Variants in PRORP observed in about 807,000 individuals in gnomAD.
PRORP encodes the protein protein only RNase P catalytic subunit.
In PRORP, 51 loss-of-function variants were observed where a neutral mutation model predicts 59.4. That is an observed-to-expected ratio of 0.86 (90% CI 0.69 to 1.08). The LOEUF (loss-of-function observed/expected upper bound fraction) is 1.08. PRORP is among the 50% of genes least tolerant of loss of function. The probability of loss-of-function intolerance (pLI) is 0.00; values close to 1 mark genes in which losing one functional copy is unlikely to be tolerated. For missense variants in PRORP, 646 were observed against 690.3 expected (o/e 0.94, Z 0.72); for synonymous variants, 231 against 245.6 (o/e 0.94, Z 0.55).
chr14:35,187,311 G>A (rs865929289), intron 5 of PRORP, among the ~76,000 whole-genome samples: 3 of 151,996 alleles, frequency 2.0e-5, no homozygotes, highest in South Asian at 2.1e-4. Context: ...ACATCCTCAC[G>A]AACACTTGTT....
chr14:35,244,193 C>T (rs2050428841), intron 5 of PRORP, among the ~76,000 whole-genome samples: 1 of 152,142 alleles, frequency 6.6e-6, no homozygotes, highest in Non-Finnish European at 1.5e-5. Flanking sequence ...TTTCATAAGT[C>T]CTCATTGTTA....
intron 5 of PRORP, among the ~76,000 whole-genome samples, chr14:35,253,374 A>G (rs1026168545): frequency 4.0e-5 from 6 of 149,054 alleles, no homozygotes; most frequent in Non-Finnish European, 7.4e-5. Flanking sequence ...AGAAAGAAAG[A>G]AAAGAAAGAA....
rs368688773 is a variant in PRORP at position 35,195,969 on chromosome 14, A to G, written c.1275+15192A>G. The stretch of plus-strand genomic sequence containing the variant: ...CCAAGGAGAATGTATAAATTGGGAA[A>G]AACCTCAGACTTAAAGTAATTATAT... On this transcript the variant is annotated intron_variant, in intron 5 of 7. Transcript: ENST00000534898. 6.6e-5 allele frequency among the ~76,000 whole-genome samples: 10 copies of G among 152,328 alleles called. 1 individual carries two copies. Among genetic ancestry groups the G allele is most frequent in the Admixed American group, 3.3e-4 (5 of 15,298 alleles).
intron 4 of PRORP, among the ~76,000 whole-genome samples, chr14:35,160,577 C>T (rs2048032312): frequency 6.6e-6 from 1 of 152,116 alleles, no homozygotes; most frequent in Non-Finnish European, 1.5e-5. Context: ...AATTCTGCTT[C>T]ATTTCTGTGG....
chr14:35,255,003 C>T lies in PRORP; in HGVS notation c.1276-11724C>T, dbSNP rs77840432. On this transcript the variant is annotated intron_variant, in intron 5 of 7. Transcript: ENST00000534898. ...CTGTCACTTCCTCTGTGGTGACTTC[C>T]CTGACCACCCTCCTCACCCACAGTC... Among the ~76,000 whole-genome samples, 142 of 152,218 alleles carry T rather than the reference C, an allele frequency of 9.3e-4. 1 individual carries two copies. The highest frequency in any genetic ancestry group is 3.1e-3 in the African/African-American group (129 of 41,542).
At chr14:35,151,055 A>AT (rs1476457364) in intron 4 of PRORP, among the ~76,000 whole-genome samples, 1 of 152,154 alleles carries the variant, frequency 6.6e-6, no homozygotes, top group Non-Finnish European at 1.5e-5. Context: ...AAACCAAGCC[A>AT]TTTTTAAATT....
chr14:35,226,755 G>A (rs1180686115), intron 5 of PRORP, among the ~76,000 whole-genome samples: 1 of 152,002 alleles, frequency 6.6e-6, no homozygotes, highest in Non-Finnish European at 1.5e-5. Flanking sequence ...TATTTTTTGA[G>A]ACACGATCTC....
chr14:35,201,299 C>T (rs2049141603), intron 5 of PRORP, among the ~76,000 whole-genome samples: 1 of 152,162 alleles, frequency 6.6e-6, no homozygotes, highest in Admixed American at 6.5e-5. Context: ...AGAAGGAAGT[C>T]ACTATGTGCA....
chr14:35,169,192 A>C (rs2048256283), intron 4 of PRORP, among the ~76,000 whole-genome samples: 1 of 152,044 alleles, frequency 6.6e-6, no homozygotes, highest in African/African-American at 2.4e-5. Flanking sequence ...CACTTAGTTC[A>C]AAATATTTCC....
intron 4 of PRORP, among the ~76,000 whole-genome samples, chr14:35,177,723 G>GT (rs1478811319): frequency 1.3e-5 from 2 of 151,932 alleles, no homozygotes; most frequent in African/African-American, 2.4e-5. Context: ...TTTTTGAAGG[G>GT]TTTTTTGTGT....
intron 5 of PRORP, among the ~76,000 whole-genome samples, chr14:35,185,112 A>G (rs1361116469): frequency 2.0e-5 from 3 of 152,110 alleles, no homozygotes; most frequent in Non-Finnish European, 4.4e-5. Flanking sequence ...GCTTTCCACA[A>G]TGGTTAAACT....
chr14:35,148,943 G>T (rs2047676242), intron 4 of PRORP, among the ~76,000 whole-genome samples: 1 of 125,302 alleles, frequency 8.0e-6, no homozygotes, highest in Non-Finnish European at 1.6e-5. Flanking sequence ...TTTTGAGACG[G>T]AGTCTCGCTC....
At chr14:35,245,259 G>A (rs189972499) in intron 5 of PRORP, among the ~76,000 whole-genome samples, 5 of 152,248 alleles carry the variant, frequency 3.3e-5, no homozygotes, top group East Asian at 1.9e-4. Flanking sequence ...CACTGATTAC[G>A]GCATCATGGG....
At chr14:35,251,710 G>A (rs2050617775) in intron 5 of PRORP, among the ~76,000 whole-genome samples, 1 of 151,832 alleles carries the variant, frequency 6.6e-6, no homozygotes, top group South Asian at 2.1e-4. Context: ...GCCCACCACC[G>A]CGCCCAGCTA....
At chr14:35,261,837 C>A (rs953224820) in intron 5 of PRORP, among the ~76,000 whole-genome samples, 1 of 152,204 alleles carries the variant, frequency 6.6e-6, no homozygotes, top group African/African-American at 2.4e-5. Flanking sequence ...GCTGGACTGT[C>A]ATGGAGTTTC....
chr14:35,253,930 G>T (rs2050681652), intron 5 of PRORP, among the ~76,000 whole-genome samples: 1 of 150,870 alleles, frequency 6.6e-6, no homozygotes, highest in Admixed American at 6.6e-5. Context: ...GTCCTGTTAC[G>T]GCTCATCTAC....
intron 5 of PRORP, among the ~76,000 whole-genome samples, chr14:35,227,621 T>C (rs567179807): frequency 6.6e-6 from 1 of 152,186 alleles, no homozygotes; most frequent in East Asian, 1.9e-4. Flanking sequence ...TATCCTTACA[T>C]AAGAGAACTC....
At chr14:35,219,502 G>A (rs1201638638) in intron 5 of PRORP, among the ~76,000 whole-genome samples, 2 of 152,176 alleles carry the variant, frequency 1.3e-5, no homozygotes. Flanking sequence ...ACAGTGTTTA[G>A]GTCCTGAGTA....
chr14:35,173,858 A>G (rs2048378833), intron 4 of PRORP, among the ~76,000 whole-genome samples: 1 of 152,094 alleles, frequency 6.6e-6, no homozygotes, highest in Non-Finnish European at 1.5e-5. Flanking sequence ...ATTGTAATCA[A>G]ATAGGGGCTG....
Sources: allele counts gnomAD v4.1 joint callset (sites outside exome capture counted in the v4.1 genomes callset), GRCh38; gene constraint gnomAD v4.1.1; transcripts MANE v1.5; gene names NCBI Gene and HGNC (gene_info 2026-07-23, HGNC 2026-07-21).